Variants in IL1R2 observed in about 807,000 individuals in gnomAD.
IL1R2 encodes interleukin-1 receptor type 2.
Under a neutral mutation model 39.5 loss-of-function variants are expected in IL1R2, and 46 were observed. The observed-to-expected ratio is 1.16, with a 90% CI of 0.92 to 1.49. IL1R2 has a LOEUF of 1.49. Ranked by LOEUF, IL1R2 falls within the 40% of genes most tolerant of loss-of-function variation. The pLI, the probability that IL1R2 is intolerant of heterozygous loss-of-function variation, is 0.00. For missense variants in IL1R2, 537 were observed against 502.0 expected, an observed-to-expected ratio of 1.07 and a Z score of -0.67; for synonymous variants, 207 against 189.6, an observed-to-expected ratio of 1.09 and a Z score of -0.75.
intron 1 of IL1R2, chr2:102,001,855 G>A (rs868550419): frequency 3.3e-5 from 5 of 151,978 alleles, no homozygotes; most frequent in South Asian, 2.1e-4. Flanking sequence ...AAACATGTTC[G>A]GGCTCCTAGG....
At chr2:101,995,379 G>A (rs536052161) in intron 1 of IL1R2, among the ~76,000 whole-genome samples, 3 of 152,302 alleles carry the variant, frequency 2.0e-5, no homozygotes, top group African/African-American at 4.8e-5. Flanking sequence ...GTGGCATGTA[G>A]GAGCCGAGAG....
At chr2:102,021,481 A>G (rs1013435038) in intron 5 of IL1R2, among the ~76,000 whole-genome samples, 4 of 151,902 alleles carry the variant, frequency 2.6e-5, no homozygotes, top group Non-Finnish European at 5.9e-5. Flanking sequence ...AAGCCCAGCT[A>G]ATTTTTGTAT....
chr2:101,992,308 G>GAGAGAGACAA (rs1675374932), intron 1 of IL1R2, among the ~76,000 whole-genome samples: 1 of 151,324 alleles, frequency 6.6e-6, no homozygotes, highest in African/African-American at 2.4e-5. Context: ...GAGAGAGACA[G>GAGAGAGACAA]AGAAAGACAG....
intron 1 of IL1R2, among the ~76,000 whole-genome samples, chr2:102,006,160 G>C (rs1387903107): frequency 2.0e-5 from 3 of 152,160 alleles, no homozygotes; most frequent in African/African-American, 4.8e-5. Context: ...CTTCTTTCAT[G>C]TTCTAATGGT....
At chr2:102,026,277 C>T (rs1259764870) in intron 8 of IL1R2, 24 bp downstream of exon 8, 1 of 1,564,372 alleles carries the variant, frequency 6.4e-7, no homozygotes, top group Non-Finnish European at 8.7e-7. Context: ...TTGGGGAGCA[C>T]TATAGGAGAA....
chr2:102,002,085 T>C (rs994948206), intron 1 of IL1R2: 1 of 152,208 alleles, frequency 6.6e-6, no homozygotes. Context: ...CCAGATATAT[T>C]CAAATATATT....
intron 1 of IL1R2, among the ~76,000 whole-genome samples, chr2:101,994,579 G>T (rs1675499324): frequency 6.6e-6 from 1 of 152,200 alleles, no homozygotes; most frequent in Admixed American, 6.5e-5. Flanking sequence ...TTTCTAATAA[G>T]TGTCCAGGTG....
intron 6 of IL1R2, 45 bp downstream of exon 6, chr2:102,022,294 C>G (rs948295855): frequency 6.6e-7 from 1 of 1,525,856 alleles, no homozygotes; most frequent in Non-Finnish European, 9.1e-7. Flanking sequence ...TGTGGGGGTG[C>G]CTGGTATCCC....
In IL1R2 at chr2:102,026,218, T is replaced by G. The variant is rs1272326460; in HGVS notation, c.995T>G (p.Leu332Arg). 6.2e-7 allele frequency: 1 copy of G among 1,613,242 alleles called. No individual in the cohort carries two copies. Among genetic ancestry groups the G allele is most frequent in the Non-Finnish European group, 8.5e-7 (1 of 1,179,638 alleles). The change falls in exon 8 of 9, where the codon CTG becomes CGG. Residue 332 changes from leucine (L) to arginine (R), a missense_variant. Transcript: ENST00000332549. Reference sequence around the variant, plus strand: ...TTTAAATGTGTTGTCCATAATACCCTGAGTTTTCAGACACTACGCACCACA... The same window carrying G: ...TTTAAATGTGTTGTCCATAATACCCGGAGTTTTCAGACACTACGCACCACA... ...MDFKCVVHNT[L>R]SFQTLRTTVK...
At chr2:102,008,859 CA>C (rs763395048) in intron 2 of IL1R2, among the ~76,000 whole-genome samples, 3,648 of 58,002 alleles carry the variant, frequency 0.063, 166 homozygotes, top group African/African-American at 0.17. Flanking sequence ...CACGTCTCTA[CA>C]AAAAAAAAAA....
chr2:102,025,537 C>T (rs569275386), intron 7 of IL1R2, among the ~76,000 whole-genome samples: 4 of 152,212 alleles, frequency 2.6e-5, no homozygotes, highest in Non-Finnish European at 4.4e-5. Flanking sequence ...AGTGGATCCA[C>T]TCATCTGTGT....
intron 3 of IL1R2, 140 bp from the exon 4 acceptor site, chr2:102,015,731 C>CTTA: frequency 1.5e-6 from 1 of 676,988 alleles, no homozygotes; most frequent in Non-Finnish European, 2.5e-6. Flanking sequence ...GTTGAACCAT[C>CTTA]TTATGTCGGG....
chr2:101,997,972 G>T (rs1675671722), intron 1 of IL1R2, among the ~76,000 whole-genome samples: 1 of 152,134 alleles, frequency 6.6e-6, no homozygotes, highest in South Asian at 2.1e-4. Context: ...AACTTCCCCT[G>T]CATCATATTC....
chr2:102,011,149 G>T (rs1484056694), intron 3 of IL1R2, among the ~76,000 whole-genome samples: 3 of 152,188 alleles, frequency 2.0e-5, no homozygotes, highest in African/African-American at 7.2e-5. Context: ...TCCATCCAGG[G>T]ACACTTGACT....
intron 1 of IL1R2, among the ~76,000 whole-genome samples, chr2:102,008,025 G>A (rs2150432092): frequency 6.6e-6 from 1 of 152,346 alleles, no homozygotes; most frequent in African/African-American, 2.4e-5. Context: ...CATCAGTGGA[G>A]CCTGAATTCT....
chr2:102,011,846 C>A (rs1676657275), intron 3 of IL1R2, among the ~76,000 whole-genome samples: 1 of 152,106 alleles, frequency 6.6e-6, no homozygotes. Flanking sequence ...TGAAGGTTTT[C>A]CCCTTTGTTT....
At position 102,008,631 on chromosome 2, in the gene IL1R2, C is replaced by A. The variant is rs145285945; in HGVS notation, c.56C>A (p.Ala19Glu). 6.2e-6 allele frequency: 10 copies of A among 1,613,518 alleles called. No individual in the cohort carries two copies. Among genetic ancestry groups the A allele is most frequent in the Admixed American group, 3.3e-5 (2 of 59,990 alleles). ...MGVSAFTLQP[A>E]AHTGAARSCR... ...GTTTCTGCCTTCACCCTTCAGCCTG[C>A]GGCACACACAGGTTAGAAGTAAACC... The change falls in exon 2 of 9, where the codon GCG becomes GAG. Residue 19 changes from alanine (A) to glutamate (E), a missense_variant. Transcript: ENST00000332549.
intron 3 of IL1R2, among the ~76,000 whole-genome samples, chr2:102,013,304 A>G (rs1435932739): frequency 1.3e-5 from 2 of 152,090 alleles, no homozygotes; most frequent in South Asian, 2.1e-4. Context: ...TAATTGAGTG[A>G]GAATCACCAG....
intron 8 of IL1R2, among the ~76,000 whole-genome samples, chr2:102,026,936 G>A (rs1233859840): frequency 6.6e-6 from 1 of 152,216 alleles, no homozygotes; most frequent in Non-Finnish European, 1.5e-5. Flanking sequence ...CAATCTTACA[G>A]CAATAACATA....
Sources: gnomAD v4.1 joint callset for allele counts (sites outside exome capture counted in the v4.1 genomes callset) on GRCh38, gnomAD v4.1.1 for gene constraint, MANE v1.5 for transcripts, NCBI Gene and HGNC (gene_info 2026-07-23, HGNC 2026-07-21) for gene names.